Variants in RAB33B observed in about 807,000 individuals in gnomAD.
RAB33B encodes the protein ras-related protein Rab-33B.
RAB33B carries 6 observed loss-of-function variants against 15.0 expected under a neutral mutation model. The observed-to-expected ratio is 0.40, with a 90% CI of 0.22 to 0.79. The LOEUF (loss-of-function observed/expected upper bound fraction) is 0.79, where lower values mean the gene tolerates loss of function less well. RAB33B is among the 30% of genes least tolerant of loss of function. The pLI, the probability that RAB33B is intolerant of heterozygous loss-of-function variation, is 0.37. For synonymous variants in RAB33B, 117 were observed against 108.3 expected (o/e 1.08, Z -0.50); for missense variants, 257 against 296.4 (o/e 0.87, Z 0.98).
At chr4:139,438,923 T>A in the RAB33B span, among the ~76,000 whole-genome samples, 1 of 152,258 alleles carries the variant, frequency 6.6e-6, no homozygotes, top group South Asian at 2.1e-4. Flanking sequence ...AGGGCAGGTC[T>A]AGTGGTAATG....
chr4:139,475,002 T>G lies in RAB33B; in HGVS notation c.*1876T>G, dbSNP rs1452501782. ...GGATAATTTAACTATAAAGACAAAG[T>G]AATTCTATTAAATGAACTAACTGAA... On this transcript the variant is annotated 3_prime_UTR_variant, in exon 2 of 2. Transcript: ENST00000305626. 1.3e-5 allele frequency: 2 copies of G among 152,232 alleles called. No individual in the cohort carries two copies. Among genetic ancestry groups the G allele is most frequent in the Non-Finnish European group, 2.9e-5 (2 of 67,962 alleles). The allele number at this position is 152,232 out of a possible 1,614,324, so 9.4% of individuals were successfully genotyped here.
In RAB33B at chr4:139,466,782, G is replaced by C. The variant is rs137899989; in HGVS notation, c.250-5904G>C. Among the ~76,000 whole-genome samples the C allele has an allele frequency of 1.7e-3, 254 of 151,834 alleles. 1 individual carries two copies. The highest frequency in any genetic ancestry group is 6.8e-3 in the Middle Eastern group (2 of 294). On this transcript the variant is annotated intron_variant, in intron 1 of 1. Coordinates refer to ENST00000305626, the MANE Select transcript of RAB33B (RefSeq NM_031296.3). ...TTTGGTAGAGACGGGGTTTTGCCCT[G>C]TTGGCCAGGCTGGTCTTGAACTCCT...
chr4:139,462,889 A>C (rs1579177007), intron 1 of RAB33B, among the ~76,000 whole-genome samples: 1 of 152,196 alleles, frequency 6.6e-6, no homozygotes, highest in African/African-American at 2.4e-5. Context: ...AAAATGAAGA[A>C]TTTGGGCCAG....
the RAB33B span, among the ~76,000 whole-genome samples, chr4:139,442,788 A>C: frequency 6.6e-6 from 1 of 151,784 alleles, no homozygotes; most frequent in Non-Finnish European, 1.5e-5. Context: ...TTTATATATA[A>C]ATATATATAT....
At position 139,474,877 on chromosome 4, in the gene RAB33B, G is replaced by A. The variant is rs114169513; in HGVS notation, c.*1751G>A. 3.3e-5 allele frequency: 5 copies of A among 152,498 alleles called. No homozygotes were observed. Among genetic ancestry groups the A allele is most frequent in the Admixed American group, 6.6e-5 (1 of 15,266 alleles). The allele number at this position is 152,498 out of a possible 1,614,324, so 9.4% of individuals were successfully genotyped here. A position where few individuals can be genotyped will look rare whatever the true frequency, so the allele number is the denominator to read the frequency against. ...AATTTTGGAGGAAATTAAGCCAAAT[G>A]ATTATTGTACTACAGTATTTTCAGA... On this transcript the variant is annotated 3_prime_UTR_variant, in exon 2 of 2. Transcript: ENST00000305626.
chr4:139,448,728 T>G (rs974263938), upstream of RAB33B: 1 of 150,588 alleles, frequency 6.6e-6, no homozygotes, highest in African/African-American at 2.4e-5. Context: ...ATAATATTAT[T>G]TTTGTGAAAA....
chr4:139,451,804 G>A (rs1749930445), upstream of RAB33B: 1 of 152,174 alleles, frequency 6.6e-6, no homozygotes, highest in African/African-American at 2.4e-5. Context: ...CAAATTTACA[G>A]TTTCTGCTCA....
upstream of RAB33B, chr4:139,452,365 A>G (rs1376234636): frequency 1.3e-5 from 2 of 152,236 alleles, no homozygotes; most frequent in African/African-American, 2.4e-5. Context: ...ACCAAGAGCT[A>G]AACTAAAAAG....
At chr4:139,457,464 T>C (rs1300183297) in intron 1 of RAB33B, among the ~76,000 whole-genome samples, 1 of 152,198 alleles carries the variant, frequency 6.6e-6, no homozygotes. Context: ...TAATCCGGCC[T>C]CCCATTAGAG....
the RAB33B span, among the ~76,000 whole-genome samples, chr4:139,439,064 G>A: frequency 2.0e-5 from 3 of 152,156 alleles, no homozygotes; most frequent in East Asian, 5.8e-4. Context: ...CCAGGCTGGG[G>A]GGCAGTGGCG....
the RAB33B span, among the ~76,000 whole-genome samples, chr4:139,443,200 G>A: frequency 6.6e-6 from 1 of 152,126 alleles, no homozygotes; most frequent in Non-Finnish European, 1.5e-5. Flanking sequence ...CACCATGTTA[G>A]CCAGGATGGT....
At chr4:139,462,804 AAAAT>A (rs1339508388) in intron 1 of RAB33B, among the ~76,000 whole-genome samples, 2 of 152,228 alleles carry the variant, frequency 1.3e-5, no homozygotes, top group Non-Finnish European at 2.9e-5. Context: ...TTAAAATTTT[AAAAT>A]AAATAAATTT....
At chr4:139,453,924 C>T, upstream of RAB33B, 1 of 316,728 alleles carries the variant, frequency 3.2e-6, no homozygotes, top group Non-Finnish European at 5.7e-6. Flanking sequence ...ACAGGTCCCA[C>T]GCCTGCCTAG....
rs372330119 is a variant in RAB33B, at chr4:139,464,386, G to GTT, written c.250-8275_250-8274dup. Among the ~76,000 whole-genome samples the GTT allele has an allele frequency of 8.2e-3, 837 of 101,688 alleles. 105 individuals carry two copies. The highest frequency in any genetic ancestry group is 0.015 in the East Asian group (43 of 2,908). The allele number at this position is 101,688 out of a possible 152,430, so 66.7% of individuals were successfully genotyped here. Reference sequence around the variant, plus strand: ...CGGGATTGATGGGAAGAGGAATACTGTTTTTTTTTTTTTTTTTTTTTTTTT... The same window carrying GTT: ...CGGGATTGATGGGAAGAGGAATACTGTTTTTTTTTTTTTTTTTTTTTTTTTTT... On this transcript the variant is annotated intron_variant, in intron 1 of 1. Transcript: ENST00000305626.
At chr4:139,459,744 C>T (rs1750134244) in intron 1 of RAB33B, among the ~76,000 whole-genome samples, 1 of 152,054 alleles carries the variant, frequency 6.6e-6, no homozygotes, top group Non-Finnish European at 1.5e-5. Context: ...AGCAATTCTC[C>T]TGCCTCAGCG....
In RAB33B at chr4:139,463,203, C is replaced by T. The variant is rs550477211; in HGVS notation, c.249+8759C>T. On this transcript the variant is annotated intron_variant, in intron 1 of 1. Coordinates refer to ENST00000305626, the MANE Select transcript of RAB33B (RefSeq NM_031296.3). ...TTTCTTTTTGAGATGGAGTCTCTGT[C>T]GCCCAGGTTGGAGTGCAATGGTGCG... is the stretch of plus-strand genomic sequence containing the variant. 1.6e-4 allele frequency among the ~76,000 whole-genome samples: 24 copies of T among 152,296 alleles called. No individual in the cohort carries two copies. The South Asian group carries it at 3.7e-3, about 24-fold the overall frequency.
chr4:139,445,408 G>A, the RAB33B span, among the ~76,000 whole-genome samples: 2 of 152,226 alleles, frequency 1.3e-5, no homozygotes, highest in Non-Finnish European at 2.9e-5. Flanking sequence ...TGAGCAAGAA[G>A]TAGCAAATAC....
chr4:139,471,561 C>T (rs1750393482), intron 1 of RAB33B, among the ~76,000 whole-genome samples: 1 of 132,198 alleles, frequency 7.6e-6, no homozygotes. Context: ...TAGTTATTAA[C>T]TTGGTGTCCT....
chr4:139,471,012 G>A (rs1257204517), intron 1 of RAB33B, among the ~76,000 whole-genome samples: 1 of 152,008 alleles, frequency 6.6e-6, no homozygotes, highest in Non-Finnish European at 1.5e-5. Context: ...CTGGGGTTAG[G>A]GGAGGGGTGA....
Sources: allele counts gnomAD v4.1 joint callset (sites outside exome capture counted in the v4.1 genomes callset), GRCh38; gene constraint gnomAD v4.1.1; transcripts MANE v1.5; gene names NCBI Gene and HGNC (gene_info 2026-07-23, HGNC 2026-07-21).